GABRG3: variants seen among roughly 807,000 people sequenced by gnomAD.
GABRG3 encodes gamma-aminobutyric acid type A receptor subunit gamma3, also known as gamma-aminobutyric acid receptor subunit gamma-3.
In GABRG3, 25 loss-of-function variants were observed where a neutral mutation model predicts 48.8. That is an observed-to-expected ratio of 0.51 (90% CI 0.37 to 0.72). GABRG3 has a LOEUF of 0.72. Among genes scored for constraint, GABRG3 ranks in the 30% least tolerant of loss-of-function variants. GABRG3 has a pLI of 0.00. For synonymous variants in GABRG3, 227 were observed against 217.6 expected (o/e 1.04, Z -0.38); for missense variants, 394 against 577.9 (o/e 0.68, Z 3.26).
intron 2 of GABRG3, among the ~76,000 whole-genome samples, chr15:26,978,299 A>G (rs2140635593): frequency 6.6e-6 from 1 of 152,154 alleles, no homozygotes; most frequent in African/African-American, 2.4e-5. Context: ...TTTTAATAGC[A>G]TCTTTCACAG....
At chr15:27,129,558 T>G (rs1231782047) in intron 3 of GABRG3, among the ~76,000 whole-genome samples, 1 of 152,202 alleles carries the variant, frequency 6.6e-6, no homozygotes, top group Non-Finnish European at 1.5e-5. Context: ...GGTGTACACC[T>G]GCAAGTAAAA....
At chr15:27,243,863 C>CT (rs1435629211) in intron 3 of GABRG3, among the ~76,000 whole-genome samples, 1 of 152,100 alleles carries the variant, frequency 6.6e-6, no homozygotes, top group Non-Finnish European at 1.5e-5. Flanking sequence ...TTTTTTTCAA[C>CT]TTTACGCACT....
chr15:27,218,694 A>T (rs530186582), intron 3 of GABRG3, among the ~76,000 whole-genome samples: 1 of 152,154 alleles, frequency 6.6e-6, no homozygotes, highest in Admixed American at 6.5e-5. Flanking sequence ...CCCTCAATGC[A>T]AATCTTATGT....
At chr15:27,211,540 C>G (rs192440252) in intron 3 of GABRG3, among the ~76,000 whole-genome samples, 2 of 152,312 alleles carry the variant, frequency 1.3e-5, no homozygotes, top group Non-Finnish European at 2.9e-5. Context: ...GACTATTGCT[C>G]TGCAGCTATA....
chr15:27,273,156 A>G (rs1891143943), intron 3 of GABRG3, among the ~76,000 whole-genome samples: 1 of 152,228 alleles, frequency 6.6e-6, no homozygotes, highest in South Asian at 2.1e-4. Flanking sequence ...CTCTAAGCCC[A>G]AAGTAGAATT....
At chr15:27,067,963 A>G (rs1896765434) in intron 3 of GABRG3, among the ~76,000 whole-genome samples, 2 of 152,210 alleles carry the variant, frequency 1.3e-5, no homozygotes, top group African/African-American at 2.4e-5. Context: ...TAGGCATTGG[A>G]GTAGAGAAGG....
At position 27,248,767 on chromosome 15, in the gene GABRG3, AACACACAC is replaced by A. The variant is rs150140195; in HGVS notation, c.271-78012_271-78005del. Among the ~76,000 whole-genome samples, 30 of 117,084 alleles carry A rather than the reference AACACACAC, an allele frequency of 2.6e-4. No homozygotes were observed. The Middle Eastern group carries it at 0.014, about 55-fold the overall frequency. 76.8% of individuals were successfully genotyped at this position (117,084 alleles called of 152,430 possible). On this transcript the variant is annotated intron_variant, in intron 3 of 9. Coordinates refer to ENST00000615808, the MANE Select transcript of GABRG3 (RefSeq NM_033223.5). ...TGGAAGAGTTTTAGGTGAGAAGGAA[AACACACAC>A]ACACACACACACACACACACACACA...
In GABRG3 at chr15:27,236,371, C is replaced by T. The variant is rs1164586807; in HGVS notation, c.271-90438C>T. 6.6e-6 allele frequency among the ~76,000 whole-genome samples: 1 copy of T among 152,134 alleles called. No individual in the cohort carries two copies. ...AGGTCCCCAGCCCACTGAATGGACC[C>T]CCTGACCCACTGTTGGCTGAGAGAA... is the stretch of plus-strand genomic sequence containing the variant. On this transcript the variant is annotated intron_variant, in intron 3 of 9. Transcript: ENST00000615808. The surrounding 1 kb of genome is among the most constrained non-coding windows in gnomAD (Gnocchi z 4.4).
chr15:27,288,566 C>T (rs1891693127), intron 3 of GABRG3, among the ~76,000 whole-genome samples: 1 of 151,950 alleles, frequency 6.6e-6, no homozygotes. Context: ...GGAGGTAGAG[C>T]TCAGGCATTA....
At chr15:27,205,205 C>G (rs1306418560) in intron 3 of GABRG3, among the ~76,000 whole-genome samples, 2 of 151,942 alleles carry the variant, frequency 1.3e-5, no homozygotes, top group Non-Finnish European at 2.9e-5. Context: ...TCATAGATGG[C>G]TGTTATTATT....
chr15:27,133,241 A>G (rs1437469228), intron 3 of GABRG3, among the ~76,000 whole-genome samples: 2 of 152,154 alleles, frequency 1.3e-5, no homozygotes, highest in East Asian at 3.8e-4. Flanking sequence ...AGAAAATACT[A>G]CTTTTTTTCT....
rs1206406369 is a variant in GABRG3 at position 27,307,990 on chromosome 15, CAT to C, written c.271-18815_271-18814del. 2.8e-3 allele frequency among the ~76,000 whole-genome samples: 376 copies of C among 134,652 alleles called. 10 individuals carry two copies. Among genetic ancestry groups the C allele is most frequent in the African/African-American group, 5.8e-3 (211 of 36,614 alleles). 88.3% of individuals were successfully genotyped at this position (134,652 alleles called of 152,430 possible). On this transcript the variant is annotated intron_variant, in intron 3 of 9. Coordinates refer to ENST00000615808, the MANE Select transcript of GABRG3 (RefSeq NM_033223.5). ...TATATATAAACATATATAAAATAAACATATACGTTTATAATAAACGTATATAT... is the reference window on the plus strand; with the variant it reads ...TATATATAAACATATATAAAATAAACATACGTTTATAATAAACGTATATAT...
At chr15:27,532,530 T>G (rs1891448591) in intron 9 of GABRG3, 70 bp from the exon 10 acceptor site, 1 of 1,462,214 alleles carries the variant, frequency 6.8e-7, no homozygotes, top group Non-Finnish European at 9.3e-7. Context: ...ATGGACCTAC[T>G]GCTTCATACA....
chr15:27,221,712 A>G (rs988436634), intron 3 of GABRG3, among the ~76,000 whole-genome samples: 1 of 152,158 alleles, frequency 6.6e-6, no homozygotes, highest in Non-Finnish European at 1.5e-5. Context: ...ATGGCCCTTA[A>G]TAATTTCTCC....
intron 5 of GABRG3, among the ~76,000 whole-genome samples, chr15:27,430,465 C>T (rs1888416685): frequency 6.6e-6 from 1 of 151,896 alleles, no homozygotes; most frequent in Non-Finnish European, 1.5e-5. Flanking sequence ...ATCTAAAATT[C>T]CATTGTCTAG....
intron 3 of GABRG3, among the ~76,000 whole-genome samples, chr15:27,069,699 C>A (rs1896796010): frequency 6.6e-6 from 1 of 152,148 alleles, no homozygotes; most frequent in Non-Finnish European, 1.5e-5. Flanking sequence ...ACTGGATCTT[C>A]CAAATGTTAC....
At chr15:27,194,889 A>G (rs1888445620) in intron 3 of GABRG3, among the ~76,000 whole-genome samples, 2 of 152,168 alleles carry the variant, frequency 1.3e-5, no homozygotes, top group South Asian at 2.1e-4. Context: ...CTGACAGTAT[A>G]AAAGTTAACT....
chr15:27,235,013 G>A (rs1379542477), intron 3 of GABRG3, among the ~76,000 whole-genome samples: 1 of 152,180 alleles, frequency 6.6e-6, no homozygotes, highest in Non-Finnish European at 1.5e-5. Context: ...TGTTGGCTGA[G>A]GGCGTGGGGG....
chr15:27,306,180 T>G (rs1014786957), intron 3 of GABRG3, among the ~76,000 whole-genome samples: 1 of 133,906 alleles, frequency 7.5e-6, no homozygotes, highest in African/African-American at 2.7e-5. Flanking sequence ...TATATAAACA[T>G]ATAATATAAA....
Sources: gnomAD v4.1 joint callset for allele counts (sites outside exome capture counted in the v4.1 genomes callset) on GRCh38, gnomAD v4.1.1 for gene constraint, Gnocchi (gnomAD v3.1) non-coding constraint, MANE v1.5 for transcripts, NCBI Gene and HGNC (gene_info 2026-07-23, HGNC 2026-07-21) for gene names.